DENND2C: variants seen among roughly 807,000 people sequenced by gnomAD.
The protein encoded by DENND2C is DENN domain-containing protein 2C.
A neutral mutation model predicts 112.4 loss-of-function variants in DENND2C; 72 were observed. That is an observed-to-expected ratio of 0.64 (90% CI 0.53 to 0.78). DENND2C has a LOEUF of 0.78. Ranked by LOEUF, DENND2C falls within the 30% of genes least tolerant of loss-of-function variation. The pLI is 0.00. For synonymous variants in DENND2C, 329 were observed against 381.6 expected (o/e 0.86, Z 1.61); for missense variants, 992 against 1,113.8 (o/e 0.89, Z 1.56).
At chr1:114,655,939 T>G (rs907542084) in intron 1 of DENND2C, among the ~76,000 whole-genome samples, 10 of 150,214 alleles carry the variant, frequency 6.7e-5, no homozygotes. Flanking sequence ...TAGCAGTCGG[T>G]TTTTCTTCGT....
intron 3 of DENND2C, among the ~76,000 whole-genome samples, chr1:114,644,410 A>G (rs1232706691): frequency 6.6e-6 from 1 of 152,202 alleles, no homozygotes; most frequent in South Asian, 2.1e-4. Flanking sequence ...ATCCCTCAGT[A>G]AGTATTTGTT....
chr1:114,607,332 T>C (rs1056112363), intron 10 of DENND2C, among the ~76,000 whole-genome samples: 1 of 152,202 alleles, frequency 6.6e-6, no homozygotes, highest in Non-Finnish European at 1.5e-5. Context: ...AGGGCCCTTC[T>C]GAGTGAGGGC....
At position 114,585,513 on chromosome 1, in the gene DENND2C, A is replaced by C; in HGVS notation, c.*87T>G. 6 of 1,431,428 alleles carry C rather than the reference A, an allele frequency of 4.2e-6. No individual in the cohort carries two copies. The highest frequency in any genetic ancestry group is 5.8e-6 in the Non-Finnish European group (6 of 1,028,584). 88.7% of individuals were successfully genotyped at this position (1,431,428 alleles called of 1,614,324 possible). A position where few individuals can be genotyped will look rare whatever the true frequency, so the allele number is the denominator to read the frequency against. On this transcript the variant is annotated 3_prime_UTR_variant, in exon 21 of 21. Coordinates refer to ENST00000393274, the MANE Select transcript of DENND2C (RefSeq NM_001256404.2). ...CCTTTTAAAATTTCAAGAATTTTGTAGAATACTTCATGGGATCCTGACCCT... is the reference window on the plus strand; with the variant it reads ...CCTTTTAAAATTTCAAGAATTTTGTCGAATACTTCATGGGATCCTGACCCT...
chr1:114,617,730 C>G (rs1248996325), intron 8 of DENND2C, among the ~76,000 whole-genome samples: 9 of 150,132 alleles, frequency 6.0e-5, no homozygotes, highest in South Asian at 2.1e-4. Flanking sequence ...TTAAAATATC[C>G]TCAGAGAAAA....
At chr1:114,647,823 T>C (rs1570805540) in intron 2 of DENND2C, among the ~76,000 whole-genome samples, 1 of 152,206 alleles carries the variant, frequency 6.6e-6, no homozygotes, top group African/African-American at 2.4e-5. Context: ...CTCTTTTTTT[T>C]TTTGAGACAG....
intron 20 of DENND2C, 105 bp downstream of exon 20, chr1:114,587,282 A>G (rs1655063456): frequency 2.3e-6 from 3 of 1,295,640 alleles, no homozygotes; most frequent in South Asian, 1.2e-5. Flanking sequence ...CCTGGCCTCA[A>G]GCAAACCTCC....
chr1:114,623,669 G>A (rs763302094), intron 4 of DENND2C, 26 bp from the exon 5 acceptor site: 1 of 1,501,880 alleles, frequency 6.7e-7, no homozygotes, highest in Non-Finnish European at 8.9e-7. Context: ...ATATTTTAAA[G>A]TTATATCTTT....
intron 1 of DENND2C, among the ~76,000 whole-genome samples, chr1:114,669,078 A>T (rs1657720155): frequency 6.6e-6 from 1 of 152,220 alleles, no homozygotes; most frequent in Admixed American, 6.5e-5. Context: ...TAAACAACTT[A>T]TTTACACAGT....
Position 114,600,856 on chromosome 1 carries a change from G to A in DENND2C, c.1920C>T (p.Ile640=), listed in dbSNP as rs774660505. The A allele has an allele frequency of 3.3e-5, 53 of 1,613,914 alleles. No homozygotes were observed. The highest frequency in any genetic ancestry group is 4.2e-5 in the Non-Finnish European group (50 of 1,179,922). ...EAPFPAPGRT[I]TVKSYLPGAG... is the part of the protein sequence containing the mutation. ...CCCCAGGGAGGTAACTCTTAACTGT[G>A]ATGGTGCGTCCAGGAGCTGGGAAAG... is the stretch of plus-strand genomic sequence containing the variant. The change falls in exon 14 of 21, where the codon ATC becomes ATT. Residue 640 remains isoleucine (I), a synonymous_variant. Transcript: ENST00000393274.
chr1:114,633,439 CAAAAAAAAAAAA>C (rs780884019), intron 3 of DENND2C, among the ~76,000 whole-genome samples: 2 of 49,216 alleles, frequency 4.1e-5, no homozygotes, highest in East Asian at 1.3e-3. Context: ...GACCCTATCT[CAAAAAAAAAAAA>C]AAAAAAAAAA....
At chr1:114,588,216 T>G (rs1655096719) in intron 18 of DENND2C, among the ~76,000 whole-genome samples, 1 of 152,214 alleles carries the variant, frequency 6.6e-6, no homozygotes, top group Non-Finnish European at 1.5e-5. Flanking sequence ...TCATTTTAAC[T>G]GCACTTTCAA....
intron 3 of DENND2C, among the ~76,000 whole-genome samples, chr1:114,642,318 T>A (rs549636925): frequency 1.8e-4 from 28 of 152,310 alleles, no homozygotes; most frequent in African/African-American, 6.7e-4. Flanking sequence ...CTCCTTAATA[T>A]GACATATAAG....
chr1:114,657,121 T>C (rs965611283), intron 1 of DENND2C, among the ~76,000 whole-genome samples: 2 of 152,220 alleles, frequency 1.3e-5, no homozygotes, highest in Non-Finnish European at 2.9e-5. Flanking sequence ...ATTTACACTC[T>C]CACCAGCAAT....
intron 3 of DENND2C, among the ~76,000 whole-genome samples, chr1:114,626,660 G>A (rs1656351270): frequency 6.6e-6 from 1 of 151,638 alleles, no homozygotes; most frequent in Admixed American, 6.6e-5. Context: ...ACAGGTACAT[G>A]CCACCACACC....
intron 10 of DENND2C, 82 bp from the exon 11 acceptor site, chr1:114,605,113 GA>G: frequency 1.1e-5 from 11 of 996,278 alleles, no homozygotes; most frequent in East Asian, 2.6e-5. Context: ...CTTGTCTCAG[GA>G]AAAAAGGTCT....
At chr1:114,627,577 T>A (rs1178838708) in intron 3 of DENND2C, among the ~76,000 whole-genome samples, 3 of 67,228 alleles carry the variant, frequency 4.5e-5, no homozygotes, top group South Asian at 7.3e-4. Flanking sequence ...GGTGATAGTC[T>A]GACGCAAAAA....
intron 3 of DENND2C, among the ~76,000 whole-genome samples, chr1:114,643,275 T>C (rs989941538): frequency 6.6e-6 from 1 of 152,218 alleles, no homozygotes; most frequent in African/African-American, 2.4e-5. Context: ...TAAATTCTGC[T>C]CAGGAAGTTG....
At position 114,584,309 on chromosome 1, in the gene DENND2C, T is replaced by A. The variant is rs1654983655; in HGVS notation, c.*1291A>T. Reference sequence around the variant, plus strand: ...TTTTTTGAGATGGAGTCTCGCTCTGTCACCCTGGCTGGAATGCAGTGGCGC... The same window carrying A: ...TTTTTTGAGATGGAGTCTCGCTCTGACACCCTGGCTGGAATGCAGTGGCGC... On this transcript the variant is annotated 3_prime_UTR_variant, in exon 21 of 21. Transcript: ENST00000393274. 6.6e-6 allele frequency: 1 copy of A among 152,278 alleles called. No homozygotes were observed. Among genetic ancestry groups the A allele is most frequent in the Non-Finnish European group, 1.5e-5 (1 of 68,134 alleles). 9.4% of individuals were successfully genotyped at this position (152,278 alleles called of 1,614,324 possible).
chr1:114,623,137 A>T (rs759379467), intron 5 of DENND2C, 38 bp from the exon 6 acceptor site: 85 of 1,548,282 alleles, frequency 5.5e-5, no homozygotes, highest in Non-Finnish European at 7.2e-5. Context: ...ACATGAACAT[A>T]ATTAAATGCA....
Sources: allele counts gnomAD v4.1 joint callset (sites outside exome capture counted in the v4.1 genomes callset), GRCh38; gene constraint gnomAD v4.1.1; transcripts MANE v1.5; gene names NCBI Gene and HGNC (gene_info 2026-07-23, HGNC 2026-07-21).